Variants in LYPD6B observed in about 807,000 individuals in gnomAD.
LYPD6B encodes the protein ly6/PLAUR domain-containing protein 6B.
In LYPD6B, 17 loss-of-function variants were observed where a neutral mutation model predicts 22.8. That is an observed-to-expected ratio of 0.75 (90% CI 0.51 to 1.12). The LOEUF (loss-of-function observed/expected upper bound fraction) is 1.12. Ranked by LOEUF, LYPD6B falls within the 50% of genes most tolerant of loss-of-function variation. The pLI is 0.00. For missense variants in LYPD6B, 221 were observed against 258.3 expected (o/e 0.86, Z 0.99); for synonymous variants, 106 against 91.6 (o/e 1.16, Z -0.90).
chr2:149,120,636 G>C (rs13020114), intron 1 of LYPD6B, among the ~76,000 whole-genome samples: 45,664 of 149,366 alleles, frequency 0.31, 7,519 homozygotes, highest in Non-Finnish European at 0.36. Context: ...GCCCGCCTCA[G>C]CCTCCCAAAG....
intron 2 of LYPD6B, among the ~76,000 whole-genome samples, chr2:149,133,065 C>T (rs746492014): frequency 2.6e-5 from 4 of 152,128 alleles, no homozygotes; most frequent in Non-Finnish European, 5.9e-5. Context: ...ATCTGGGTTG[C>T]TTCCTCTTTA....
At chr2:149,191,693 G>C (rs760656154) in intron 3 of LYPD6B, among the ~76,000 whole-genome samples, 2 of 152,196 alleles carry the variant, frequency 1.3e-5, no homozygotes, top group Non-Finnish European at 2.9e-5. Context: ...TTACAATGCA[G>C]CCTTTTCAGG....
At chr2:149,077,961 A>G (rs1048193241) in intron 1 of LYPD6B, among the ~76,000 whole-genome samples, 1 of 131,286 alleles carries the variant, frequency 7.6e-6, no homozygotes, top group Non-Finnish European at 1.8e-5. Flanking sequence ...TCCATGAAGC[A>G]ACTGCTGCTG....
At chr2:149,212,634 G>A (rs536296121) in intron 5 of LYPD6B, among the ~76,000 whole-genome samples, 3 of 152,104 alleles carry the variant, frequency 2.0e-5, no homozygotes, top group South Asian at 2.1e-4. Flanking sequence ...TTTAGATTTC[G>A]AGAACGTGCT....
chr2:149,071,700 C>T (rs770048039), intron 1 of LYPD6B, among the ~76,000 whole-genome samples: 12 of 152,246 alleles, frequency 7.9e-5, no homozygotes, highest in Non-Finnish European at 1.6e-4. Context: ...AGTAGTCCAA[C>T]GAGGCAGGCG....
intron 3 of LYPD6B, 181 bp from the exon 4 acceptor site, chr2:149,205,072 G>A: frequency 1.7e-6 from 1 of 599,586 alleles, no homozygotes; most frequent in South Asian, 2.3e-5. Context: ...CCAGTAGAAG[G>A]AGGTCATTAC....
chr2:149,101,011 A>G (rs1291302952), intron 1 of LYPD6B: 1 of 152,196 alleles, frequency 6.6e-6, no homozygotes, highest in African/African-American at 2.4e-5. Context: ...GTGTCTTCAG[A>G]CAGTCAGAAT....
chr2:149,134,487 C>A (rs968108954), intron 2 of LYPD6B, among the ~76,000 whole-genome samples: 3 of 152,130 alleles, frequency 2.0e-5, no homozygotes, highest in Non-Finnish European at 2.9e-5. Context: ...AAAACTATTC[C>A]TTGGGGGATG....
chr2:149,046,495 CT>C (rs1277898442), intron 1 of LYPD6B, among the ~76,000 whole-genome samples: 1 of 151,096 alleles, frequency 6.6e-6, no homozygotes, highest in Non-Finnish European at 1.5e-5. Flanking sequence ...GTTTCTTGAG[CT>C]TTTTTTGTTG....
intron 1 of LYPD6B, among the ~76,000 whole-genome samples, chr2:149,092,686 A>G (rs1340258661): frequency 6.6e-6 from 1 of 152,126 alleles, no homozygotes; most frequent in East Asian, 1.9e-4. Flanking sequence ...CCTTAAAGAG[A>G]GAAAAAACAA....
At chr2:149,150,574 C>A (rs1182825862) in intron 2 of LYPD6B, among the ~76,000 whole-genome samples, 2 of 104,966 alleles carry the variant, frequency 1.9e-5, no homozygotes, top group Non-Finnish European at 2.1e-5. Context: ...GGTTTGTGAT[C>A]TTTTATTTGT....
chr2:149,155,601 G>A (rs926124567), intron 2 of LYPD6B, among the ~76,000 whole-genome samples: 3 of 152,242 alleles, frequency 2.0e-5, no homozygotes, highest in Non-Finnish European at 4.4e-5. Context: ...AGGCTGGTGA[G>A]CAAGACCAGG....
chr2:149,143,886 C>G (rs1000749363), intron 2 of LYPD6B: 1 of 152,094 alleles, frequency 6.6e-6, no homozygotes, highest in Non-Finnish European at 1.5e-5. Context: ...TGAAAGTTGG[C>G]AAAGAAAGGA....
intron 2 of LYPD6B, among the ~76,000 whole-genome samples, chr2:149,135,930 A>G (rs1409238290): frequency 6.6e-6 from 1 of 151,706 alleles, no homozygotes; most frequent in Non-Finnish European, 1.5e-5. Context: ...TGGGAGTGGT[A>G]CTCTTTCTTT....
chr2:149,136,647 G>A (rs1263917830), intron 2 of LYPD6B, among the ~76,000 whole-genome samples: 1 of 152,218 alleles, frequency 6.6e-6, no homozygotes, highest in African/African-American at 2.4e-5. Flanking sequence ...AATTGTAAGG[G>A]TGTTGCAGTT....
At chr2:149,123,710 A>C (rs533403722) in intron 1 of LYPD6B, among the ~76,000 whole-genome samples, 168 of 152,172 alleles carry the variant, frequency 1.1e-3, no homozygotes, top group Non-Finnish European at 2.1e-3. Context: ...AAAAATACAA[A>C]AATTAACCGG....
At chr2:149,133,298 A>T (rs1448449066) in intron 2 of LYPD6B, among the ~76,000 whole-genome samples, 1 of 152,216 alleles carries the variant, frequency 6.6e-6, no homozygotes, top group African/African-American at 2.4e-5. Flanking sequence ...GTTTAATGAG[A>T]TACTAAGACC....
chr2:149,131,205 G>A, intron 2 of LYPD6B: 1 of 450,352 alleles, frequency 2.2e-6, no homozygotes. Flanking sequence ...TGATGTAAAG[G>A]TAGCTGCTGA....
chr2:149,124,445 G>T (rs977741035), intron 1 of LYPD6B, among the ~76,000 whole-genome samples: 1 of 152,140 alleles, frequency 6.6e-6, no homozygotes, highest in Non-Finnish European at 1.5e-5. Flanking sequence ...TTTGGCAGGG[G>T]TTCTGAAACC....
Sources: allele counts gnomAD v4.1 joint callset (sites outside exome capture counted in the v4.1 genomes callset), GRCh38; gene constraint gnomAD v4.1.1; transcripts MANE v1.5; gene names NCBI Gene and HGNC (gene_info 2026-07-23, HGNC 2026-07-21).